Variants in PCDHGA8 observed in about 807,000 individuals in gnomAD.
The protein encoded by PCDHGA8 is protocadherin gamma subfamily A, 8.
A neutral mutation model predicts 59.2 loss-of-function variants in PCDHGA8; 45 were observed. The observed-to-expected ratio is 0.76, with a 90% confidence interval of 0.60 to 0.98. The LOEUF is 0.98. Ranked by LOEUF, PCDHGA8 falls within the 50% of genes least tolerant of loss-of-function variation. The probability of loss-of-function intolerance (pLI) is 0.00; values close to 1 mark genes in which losing one functional copy is unlikely to be tolerated. For missense variants in PCDHGA8, 1,257 were observed against 1,196.2 expected (o/e 1.05, Z -0.75); for synonymous variants, 531 against 519.0 (o/e 1.02, Z -0.32).
chr5:141,473,879 C>G (rs937312573), intron 1 of PCDHGA8, among the ~76,000 whole-genome samples: 2 of 152,120 alleles, frequency 1.3e-5, no homozygotes, highest in Admixed American at 1.3e-4. Context: ...AATGCATACA[C>G]AAGGGTTCTG....
chr5:141,410,710 CAT>C lies in PCDHGA8; in HGVS notation c.2424+15476_2424+15477del, dbSNP rs140431021. 1.9e-3 allele frequency: 2,785 copies of C among 1,444,504 alleles called. 45 individuals are homozygous for C. In the African/African-American group the frequency reaches 0.033, roughly 17 times the overall value. The allele number at this position is 1,444,504 out of a possible 1,614,324, so 89.5% of individuals were successfully genotyped here. On this transcript the variant is annotated intron_variant, in intron 1 of 3. Coordinates refer to ENST00000398604, the MANE Select transcript of PCDHGA8 (RefSeq NM_032088.2). ...ACTACTTTATTTTCATATCTAGAATCATATGTTTAAAATCCATAGCTTTTTAC... is the reference window on the plus strand; with the variant it reads ...ACTACTTTATTTTCATATCTAGAATCATGTTTAAAATCCATAGCTTTTTAC...
Position 141,394,740 on chromosome 5 carries a change from G to A in PCDHGA8, c.1927G>A (p.Val643Met), listed in dbSNP as rs148904388. 1.1e-4 allele frequency: 174 copies of A among 1,613,404 alleles called. No homozygotes were observed. The highest frequency in any genetic ancestry group is 1.4e-4 in the Non-Finnish European group (166 of 1,179,980). Reference protein sequence around the residue: ...LDRDALKQSLVVAVQDHGQPP... With the variant: ...LDRDALKQSLMVAVQDHGQPP... ...CAGAGATGCGCTCAAGCAGAGCCTC[G>A]TGGTGGCCGTCCAGGACCATGGCCA... The change falls in exon 1 of 4, where the codon GTG (valine) becomes ATG (methionine). Residue 643 changes from valine to methionine, a missense_variant. By Grantham distance (21) the Val-to-Met change is conservative. Transcript: ENST00000398604.
rs762574320 is a variant in PCDHGA8, at chr5:141,485,926, G to A, written c.2425-8881G>A. The A allele has an allele frequency of 2.0e-5, 32 of 1,614,090 alleles. No individual in the cohort carries two copies. Among genetic ancestry groups the A allele is most frequent in the Admixed American group, 1.2e-4 (7 of 60,006 alleles). ...AGCAATCCAGCTACAGGATTAGTGT[G>A]TTGGAGAGCGCACCAGCGGGCATGG... On this transcript the variant is annotated intron_variant, in intron 1 of 3. Transcript: ENST00000398604. The surrounding 1 kb of genome is among the most constrained non-coding windows in gnomAD (Gnocchi z 5.7).
chr5:141,395,518 C>T (rs1046650715), intron 1 of PCDHGA8: 2 of 412,004 alleles, frequency 4.9e-6, no homozygotes, highest in Admixed American at 4.2e-5. Context: ...AGCTACCCGT[C>T]CATACTGGTA....
At chr5:141,416,717 A>G (rs1227713508) in intron 1 of PCDHGA8, 1 of 152,256 alleles carries the variant, frequency 6.6e-6, no homozygotes, top group Admixed American at 6.5e-5. Flanking sequence ...GGTACTGATG[A>G]GTTCATTTAG....
rs572603287 is a variant in PCDHGA8 at position 141,477,037 on chromosome 5, G to T, written c.2425-17770G>T. 19 of 1,614,266 alleles carry T rather than the reference G, an allele frequency of 1.2e-5. No homozygotes were observed. In the East Asian group the frequency reaches 3.8e-4, roughly 32 times the overall value. Reference sequence around the variant, plus strand: ...TTGTAACCGGGATGCTGACAATCAAGGGTCGGCTGGACTTCGAGGACACCA... The same window carrying T: ...TTGTAACCGGGATGCTGACAATCAATGGTCGGCTGGACTTCGAGGACACCA... On this transcript the variant is annotated intron_variant, in intron 1 of 3. Transcript: ENST00000398604. The surrounding 1 kb of genome is among the most constrained non-coding windows in gnomAD (Gnocchi z 4.9).
Position 141,487,562 on chromosome 5 carries a change from G to C in PCDHGA8, c.2425-7245G>C. The stretch of plus-strand genomic sequence containing the variant: ...GAAGTCACCCAGTGCACCTATGGCA[G>C]GGGAGCCTGTTCGCCCAAGCTGCCC... On this transcript the variant is annotated intron_variant, in intron 1 of 3. Coordinates refer to ENST00000398604, the MANE Select transcript of PCDHGA8 (RefSeq NM_032088.2). The surrounding 1 kb of genome is among the most constrained non-coding windows in gnomAD (Gnocchi z 5.0). The C allele has an allele frequency of 6.2e-7, 1 of 1,614,178 alleles. No homozygotes were observed.
At chr5:141,465,644 A>G (rs1320011410) in intron 1 of PCDHGA8, among the ~76,000 whole-genome samples, 2 of 152,186 alleles carry the variant, frequency 1.3e-5, no homozygotes, top group African/African-American at 4.8e-5. Context: ...TGCTTTGAAC[A>G]TCCCAAAAAA....
chr5:141,490,279 G>A lies in PCDHGA8; in HGVS notation c.2425-4528G>A, dbSNP rs1344083401. The A allele has an allele frequency of 5.6e-6, 9 of 1,614,228 alleles. No individual in the cohort carries two copies. In the East Asian group the frequency reaches 1.8e-4, roughly 32 times the overall value. On this transcript the variant is annotated intron_variant, in intron 1 of 3. Coordinates refer to ENST00000398604, the MANE Select transcript of PCDHGA8 (RefSeq NM_032088.2). This position sits in a 1 kb window ranked among gnomAD's most constrained non-coding sequence, Gnocchi z 5.4. ...GGATGTGGGGGATGTCAATGACAAT[G>A]CCCCAGAGGTGCTATTGGCCTCTTT...
chr5:141,405,333 CTGTT>C (rs1203111813), intron 1 of PCDHGA8: 18 of 1,614,204 alleles, frequency 1.1e-5, no homozygotes, highest in Non-Finnish European at 1.4e-5. Flanking sequence ...TTGTGCGTCT[CTGTT>C]GATTCCAAGT....
At chr5:141,469,259 A>G (rs1263722797) in intron 1 of PCDHGA8, among the ~76,000 whole-genome samples, 1 of 151,822 alleles carries the variant, frequency 6.6e-6, no homozygotes, top group Admixed American at 6.6e-5. Flanking sequence ...CTTGGGCAAC[A>G]GAGCAAGACC....
chr5:141,496,943 T>C (rs1023861484), intron 2 of PCDHGA8, among the ~76,000 whole-genome samples: 2 of 151,258 alleles, frequency 1.3e-5, no homozygotes, highest in African/African-American at 2.4e-5. Flanking sequence ...CCCAGCACTT[T>C]GGGAGGCCAA....
chr5:141,436,167 G>A (rs933669166), intron 1 of PCDHGA8, among the ~76,000 whole-genome samples: 2 of 152,088 alleles, frequency 1.3e-5, no homozygotes, highest in Non-Finnish European at 2.9e-5. Flanking sequence ...CATATGGACA[G>A]TTCTCATATA....
At chr5:141,494,183 G>A (rs971032835) in intron 1 of PCDHGA8, among the ~76,000 whole-genome samples, 2 of 152,146 alleles carry the variant, frequency 1.3e-5, no homozygotes, top group Non-Finnish European at 2.9e-5. Context: ...GAAGTGTCCC[G>A]GGACTTGGAT....
chr5:141,404,833 C>G (rs754055876), intron 1 of PCDHGA8: 1 of 1,613,844 alleles, frequency 6.2e-7, no homozygotes, highest in Admixed American at 1.7e-5. Flanking sequence ...GTGAAGTGCG[C>G]ACAGCTCGGG....
At chr5:141,483,955 G>A (rs1244162791) in intron 1 of PCDHGA8, among the ~76,000 whole-genome samples, 1 of 144,218 alleles carries the variant, frequency 6.9e-6, no homozygotes, top group African/African-American at 2.6e-5. Flanking sequence ...ATTGTGTTGT[G>A]TTTCTGTGCT....
intron 1 of PCDHGA8, among the ~76,000 whole-genome samples, chr5:141,481,794 A>C (rs1433830305): frequency 6.6e-6 from 1 of 152,136 alleles, no homozygotes; most frequent in East Asian, 1.9e-4. Context: ...TCTACTAAAA[A>C]TACAAAAATT....
intron 3 of PCDHGA8, among the ~76,000 whole-genome samples, chr5:141,509,429 T>G (rs2099876771): frequency 6.6e-6 from 1 of 151,964 alleles, no homozygotes; most frequent in Non-Finnish European, 1.5e-5. Context: ...TGAGTCAAAC[T>G]CTTGTTTCCT....
Position 141,477,771 on chromosome 5 carries a change from G to A in PCDHGA8, c.2425-17036G>A. 1 of 1,613,992 alleles carries A rather than the reference G, an allele frequency of 6.2e-7. No homozygotes were observed. The highest frequency in any genetic ancestry group is 1.3e-5 in the African/African-American group (1 of 75,054). ...ACCCCGGTCCTAGCCACCAACATCA[G>A]CGTGAACATATTTGTCACTGATCGC... On this transcript the variant is annotated intron_variant, in intron 1 of 3. Transcript: ENST00000398604. This position sits in a 1 kb window ranked among gnomAD's most constrained non-coding sequence, Gnocchi z 4.9.
Sources: gnomAD v4.1 joint callset for allele counts (sites outside exome capture counted in the v4.1 genomes callset) on GRCh38, gnomAD v4.1.1 for gene constraint, Gnocchi (gnomAD v3.1) non-coding constraint, MANE v1.5 for transcripts, NCBI Gene and HGNC (gene_info 2026-07-23, HGNC 2026-07-21) for gene names.